Variants in TRAPPC10 observed in about 807,000 individuals in gnomAD.
TRAPPC10 encodes the protein trafficking protein particle complex subunit 10.
Under a neutral mutation model 125.5 loss-of-function variants are expected in TRAPPC10, and 23 were observed. That is an observed-to-expected ratio of 0.18 (90% CI 0.13 to 0.26). The LOEUF (loss-of-function observed/expected upper bound fraction) is 0.26, where lower values mean the gene tolerates loss of function less well. Among genes scored for constraint, TRAPPC10 ranks in the 10% least tolerant of loss-of-function variants. TRAPPC10 has a pLI of 1.00. For synonymous variants in TRAPPC10, 509 were observed against 518.0 expected (o/e 0.98, Z 0.24); for missense variants, 1,123 against 1,308.4 (o/e 0.86, Z 2.19).
intron 3 of TRAPPC10, among the ~76,000 whole-genome samples, chr21:44,047,565 T>TGTGTGTGTGTGTGTGTGTGCGCGC (rs954810521): frequency 1.3e-3 from 190 of 147,188 alleles, no homozygotes; most frequent in African/African-American, 4.2e-3. Flanking sequence ...TGTGTGTGTG[T>TGTGTGTGTGTGTGTGTGTGCGCGC]GCGCGCACAC....
At chr21:44,070,570 C>T (rs2036789925) in intron 7 of TRAPPC10, among the ~76,000 whole-genome samples, 1 of 152,244 alleles carries the variant, frequency 6.6e-6, no homozygotes, top group African/African-American at 2.4e-5. Context: ...ACCATAGAGG[C>T]ATGGCCTTCG....
At chr21:44,067,907 G>A (rs1452150504) in intron 7 of TRAPPC10, among the ~76,000 whole-genome samples, 2 of 152,128 alleles carry the variant, frequency 1.3e-5, no homozygotes, top group African/African-American at 4.8e-5. Flanking sequence ...GGATCATGAG[G>A]TCAGGAGTTC....
Position 44,082,407 on chromosome 21 carries a change from A to T in TRAPPC10, c.1724-381A>T, listed in dbSNP as rs2037820731. On this transcript the variant is annotated intron_variant, in intron 13 of 22. Transcript: ENST00000291574. This position sits in a 1 kb window ranked among gnomAD's most constrained non-coding sequence, Gnocchi z 4.4. ...GCAGGGCACTTGGGCATCTTCACTG[A>T]GCATGTTTTTAAGTAGGTGAGAAAA... is the stretch of plus-strand genomic sequence containing the variant. Among the ~76,000 whole-genome samples, 1 of 152,152 alleles carries T rather than the reference A, an allele frequency of 6.6e-6. No individual in the cohort carries two copies.
At chr21:44,079,543 A>G (rs776999121) in intron 11 of TRAPPC10, 21 bp from the exon 12 acceptor site, 1 of 1,580,460 alleles carries the variant, frequency 6.3e-7, no homozygotes, top group South Asian at 1.2e-5. Flanking sequence ...AATGAAAGCT[A>G]CTGTTTGTTG....
At chr21:44,017,293 C>T (rs184299113) in intron 1 of TRAPPC10, among the ~76,000 whole-genome samples, 214 of 152,300 alleles carry the variant, frequency 1.4e-3, no homozygotes, top group Non-Finnish European at 1.9e-3. Flanking sequence ...ATCTTGTACG[C>T]ATGACCTCGG....
At chr21:44,034,530 G>C (rs117822746) in intron 2 of TRAPPC10, among the ~76,000 whole-genome samples, 2 of 152,270 alleles carry the variant, frequency 1.3e-5, no homozygotes, top group East Asian at 1.9e-4. Context: ...CTAGGCAAGA[G>C]AGTAGAGAAC....
At chr21:44,076,694 G>A (rs1601769689) in intron 10 of TRAPPC10, 66 bp downstream of exon 10, 30 of 1,392,946 alleles carry the variant, frequency 2.2e-5, no homozygotes, top group African/African-American at 1.9e-4. Context: ...TTTGCTACAT[G>A]GCCTGTTGAG....
intron 1 of TRAPPC10, 90 bp from the exon 2 acceptor site, chr21:44,032,001 C>A: frequency 9.4e-7 from 1 of 1,062,020 alleles, no homozygotes; most frequent in Non-Finnish European, 1.4e-6. Context: ...CATAAAACTA[C>A]CTAAAAACAC....
At chr21:44,026,207 C>T (rs926759823) in intron 1 of TRAPPC10, among the ~76,000 whole-genome samples, 6 of 151,890 alleles carry the variant, frequency 4.0e-5, no homozygotes, top group Non-Finnish European at 8.8e-5. Context: ...ACCTTCACTC[C>T]CTGCCCCCAC....
chr21:44,040,966 C>T (rs1457710967), intron 3 of TRAPPC10, among the ~76,000 whole-genome samples: 1 of 152,078 alleles, frequency 6.6e-6, no homozygotes, highest in African/African-American at 2.4e-5. Flanking sequence ...GTATAAATCC[C>T]ACTTAGTCAT....
At chr21:44,038,700 G>A (rs908309414) in intron 3 of TRAPPC10, among the ~76,000 whole-genome samples, 1 of 152,146 alleles carries the variant, frequency 6.6e-6, no homozygotes, top group Non-Finnish European at 1.5e-5. Context: ...TAGCAGCATA[G>A]AAAGTACATA....
intron 2 of TRAPPC10, among the ~76,000 whole-genome samples, chr21:44,037,388 GAAT>G (rs1297715797): frequency 2.6e-5 from 4 of 152,112 alleles, no homozygotes; most frequent in African/African-American, 9.7e-5. Flanking sequence ...CCAAAAATAC[GAAT>G]GCAACCCTAA....
rs911660524 is a variant in TRAPPC10, at chr21:44,076,669, C to G, written c.1377+41C>G. The G allele has an allele frequency of 3.3e-6, 5 of 1,524,150 alleles. No homozygotes were observed. In the Admixed American group the frequency reaches 8.4e-5, roughly 26 times the overall value. 94.4% of individuals were successfully genotyped at this position (1,524,150 alleles called of 1,614,324 possible). A position where few individuals can be genotyped will look rare whatever the true frequency, so the allele number is the denominator to read the frequency against. The stretch of plus-strand genomic sequence containing the variant: ...TGTTCAATGTCTGTTCTGTGAATAC[C>G]TGTCTCTAGAAGGCTTTGCTACATG... On this transcript the variant is annotated intron_variant, in intron 10 of 22. Coordinates refer to ENST00000291574, the MANE Select transcript of TRAPPC10 (RefSeq NM_003274.5).
rs143183858 is a variant in TRAPPC10 at position 44,080,485 on chromosome 21, A to G, written c.1723+358A>G. The stretch of plus-strand genomic sequence containing the variant: ...ATATCACATATTACATGTGGTTGTT[A>G]GATCTCAGTTCTCTTTTAATGTAAA... On this transcript the variant is annotated intron_variant, in intron 13 of 22. Coordinates refer to ENST00000291574, the MANE Select transcript of TRAPPC10 (RefSeq NM_003274.5). Among the ~76,000 whole-genome samples the G allele has an allele frequency of 8.4e-4, 128 of 152,206 alleles. 2 individuals are homozygous for G. In the East Asian group the frequency reaches 0.021, roughly 25 times the overall value.
intron 15 of TRAPPC10, among the ~76,000 whole-genome samples, chr21:44,086,278 A>G (rs2038124513): frequency 1.3e-5 from 2 of 152,246 alleles, no homozygotes; most frequent in South Asian, 4.1e-4. Flanking sequence ...CAGGATTCTC[A>G]GAGGCCTCAG....
chr21:44,047,312 C>CTTGAAGTA (rs2034904120), intron 3 of TRAPPC10, among the ~76,000 whole-genome samples: 1 of 152,112 alleles, frequency 6.6e-6, no homozygotes, highest in African/African-American at 2.4e-5. Context: ...CTTCATGTAG[C>CTTGAAGTA]TTGAAGTATA....
chr21:44,074,224 G>A, intron 7 of TRAPPC10, 100 bp from the exon 8 acceptor site: 1 of 1,457,490 alleles, frequency 6.9e-7, no homozygotes, highest in Non-Finnish European at 9.4e-7. Context: ...GCTGCTTGAA[G>A]GATGGAGGGT....
At chr21:44,018,798 T>A (rs1421822776) in intron 1 of TRAPPC10, among the ~76,000 whole-genome samples, 1 of 152,160 alleles carries the variant, frequency 6.6e-6, no homozygotes, top group African/African-American at 2.4e-5. Flanking sequence ...GACAGTGTGA[T>A]TGTGTGGCTC....
chr21:44,044,064 G>T (rs1365495552), intron 3 of TRAPPC10, among the ~76,000 whole-genome samples: 2 of 152,212 alleles, frequency 1.3e-5, no homozygotes, highest in Non-Finnish European at 2.9e-5. Flanking sequence ...TAGATAACTG[G>T]AATATCAGTT....
Sources: allele counts gnomAD v4.1 joint callset (sites outside exome capture counted in the v4.1 genomes callset), GRCh38; gene constraint gnomAD v4.1.1; non-coding constraint Gnocchi (gnomAD v3.1); transcripts MANE v1.5; gene names NCBI Gene and HGNC (gene_info 2026-07-23, HGNC 2026-07-21).